The following VAT1L variants were observed in gnomAD, a reference collection of about 807,000 sequenced individuals.
VAT1L encodes the protein vesicle amine transport 1 like.
In VAT1L, 34 loss-of-function variants were observed where a neutral mutation model predicts 44.1. The observed-to-expected ratio is 0.77, with a 90% CI of 0.59 to 1.03. The LOEUF (loss-of-function observed/expected upper bound fraction) is 1.03, where lower values mean the gene tolerates loss of function less well. Ranked by LOEUF, VAT1L falls within the 50% of genes least tolerant of loss-of-function variation. VAT1L has a pLI of 0.00. For missense variants in VAT1L, 615 were observed against 538.8 expected, an observed-to-expected ratio of 1.14 and a Z score of -1.40; for synonymous variants, 253 against 202.2, an observed-to-expected ratio of 1.25 and a Z score of -2.13.
chr16:77,880,103 T>C (rs535296577), intron 6 of VAT1L, among the ~76,000 whole-genome samples: 82 of 152,304 alleles, frequency 5.4e-4, no homozygotes, highest in Non-Finnish European at 1.0e-3. Context: ...TCACTACAAA[T>C]TGACTCTGAT....
rs1026390864 is a variant in VAT1L, at chr16:77,921,875, C to G, written c.1077+37073C>G. Among the ~76,000 whole-genome samples, 11 of 152,042 alleles carry G rather than the reference C, an allele frequency of 7.2e-5. No homozygotes were observed. In the South Asian group the frequency reaches 8.3e-4, roughly 11 times the overall value. On this transcript the variant is annotated intron_variant, in intron 7 of 8. Coordinates refer to ENST00000302536, the MANE Select transcript of VAT1L (RefSeq NM_020927.3). ...CCTCCCACCTCAGCCTCCCGAGTAG[C>G]TGGGACTACAGGTGCATACCACTAC...
At chr16:77,934,268 G>T (rs375945979) in intron 7 of VAT1L, among the ~76,000 whole-genome samples, 1 of 152,094 alleles carries the variant, frequency 6.6e-6, no homozygotes, top group East Asian at 1.9e-4. Context: ...TTGGCCTGAA[G>T]AGCTGTGGTT....
At chr16:77,822,276 A>G (rs780121878) in intron 2 of VAT1L, among the ~76,000 whole-genome samples, 2 of 152,128 alleles carry the variant, frequency 1.3e-5, no homozygotes, top group Non-Finnish European at 2.9e-5. Context: ...CTGGGATTAC[A>G]GATATGGGCC....
At chr16:77,851,912 G>C (rs2016812320) in intron 3 of VAT1L, among the ~76,000 whole-genome samples, 1 of 152,136 alleles carries the variant, frequency 6.6e-6, no homozygotes, top group Non-Finnish European at 1.5e-5. Context: ...CGGAGATTCT[G>C]CTCCTGTCCT....
intron 7 of VAT1L, among the ~76,000 whole-genome samples, chr16:77,891,390 C>T (rs1243038708): frequency 6.6e-6 from 1 of 152,144 alleles, no homozygotes; most frequent in Non-Finnish European, 1.5e-5. Flanking sequence ...GTTCCTCATG[C>T]CACCTATGCA....
intron 7 of VAT1L, among the ~76,000 whole-genome samples, chr16:77,963,814 TC>T (rs959403087): frequency 2.8e-4 from 42 of 152,242 alleles, no homozygotes; most frequent in African/African-American, 8.7e-4. Context: ...AAAGTGATTT[TC>T]ACTTCTCTGT....
At chr16:77,852,975 C>G (rs1222437247) in intron 3 of VAT1L, among the ~76,000 whole-genome samples, 1 of 152,182 alleles carries the variant, frequency 6.6e-6, no homozygotes, top group Non-Finnish European at 1.5e-5. Flanking sequence ...TTGAGCCCTG[C>G]CAGGTACACA....
chr16:77,955,156 T>C (rs1267399550), intron 7 of VAT1L, among the ~76,000 whole-genome samples: 1 of 152,216 alleles, frequency 6.6e-6, no homozygotes, highest in Non-Finnish European at 1.5e-5. Context: ...GGCAGGTGCA[T>C]GCTCTTCAAG....
At chr16:77,899,571 C>T (rs972827556) in intron 7 of VAT1L, among the ~76,000 whole-genome samples, 3 of 152,230 alleles carry the variant, frequency 2.0e-5, no homozygotes, top group Non-Finnish European at 4.4e-5. Flanking sequence ...CTTGAGCTTG[C>T]TTCTTCCTTT....
At chr16:77,826,266 G>C (rs1049216282) in intron 3 of VAT1L, among the ~76,000 whole-genome samples, 1 of 151,774 alleles carries the variant, frequency 6.6e-6, no homozygotes, top group Non-Finnish European at 1.5e-5. Context: ...ATGATGAAAA[G>C]TTGTGTCAAT....
chr16:77,912,221 C>G (rs2017506316), intron 7 of VAT1L, among the ~76,000 whole-genome samples: 1 of 152,182 alleles, frequency 6.6e-6, no homozygotes, highest in Admixed American at 6.5e-5. Context: ...TTTTCAACAT[C>G]AGTTGCCTTA....
intron 2 of VAT1L, among the ~76,000 whole-genome samples, chr16:77,824,027 A>G (rs968074097): frequency 1.3e-5 from 2 of 152,130 alleles, no homozygotes; most frequent in Non-Finnish European, 2.9e-5. Flanking sequence ...CCATCTCAGA[A>G]AAAAAAAGAA....
intron 1 of VAT1L, among the ~76,000 whole-genome samples, chr16:77,815,471 T>C (rs1489828679): frequency 6.6e-6 from 1 of 152,146 alleles, no homozygotes; most frequent in South Asian, 2.1e-4. Context: ...GGGTTCAGTA[T>C]GTGAAACTTC....
intron 8 of VAT1L, among the ~76,000 whole-genome samples, chr16:77,975,160 C>G (rs903872601): frequency 1.5e-5 from 2 of 136,472 alleles, no homozygotes; most frequent in African/African-American, 5.4e-5. Context: ...GACAGAGGCG[C>G]CTGCAGAGGT....
At chr16:77,855,198 G>A (rs60593765) in intron 3 of VAT1L, among the ~76,000 whole-genome samples, 3,198 of 152,112 alleles carry the variant, frequency 0.021, 118 homozygotes, top group African/African-American at 0.073. Context: ...AAATTAGCTG[G>A]GCATGGTGCC....
chr16:77,817,054 A>G lies in VAT1L; in HGVS notation c.363+4A>G, dbSNP rs2016368436. On this transcript the variant is annotated splice_donor_region_variant and intron_variant, in intron 2 of 8. Transcript: ENST00000302536. ...GGACAGCGTGAAAGGATATGAGGTA[A>G]TGTTTGGCTCTCAATTGAAGAGTAA... 1 of 1,611,614 alleles carries G rather than the reference A, an allele frequency of 6.2e-7. No individual in the cohort carries two copies. The highest frequency in any genetic ancestry group is 1.1e-5 in the South Asian group (1 of 90,314).
At chr16:77,964,214 A>T (rs1258755249) in intron 7 of VAT1L, among the ~76,000 whole-genome samples, 2 of 152,026 alleles carry the variant, frequency 1.3e-5, no homozygotes, top group African/African-American at 2.4e-5. Flanking sequence ...TCACCTCCTT[A>T]AACCCACCTA....
chr16:77,975,540 C>G (rs924488807), intron 8 of VAT1L, among the ~76,000 whole-genome samples: 1 of 152,108 alleles, frequency 6.6e-6, no homozygotes, highest in East Asian at 1.9e-4. Context: ...CACTCAGCCC[C>G]GAATCTGCCC....
At chr16:77,826,192 G>C (rs2016520279) in intron 3 of VAT1L, among the ~76,000 whole-genome samples, 1 of 133,426 alleles carries the variant, frequency 7.5e-6, no homozygotes, top group African/African-American at 2.8e-5. Context: ...GGGCGACAGA[G>C]CGAGACTCCG....
Sources: gnomAD v4.1 joint callset for allele counts (sites outside exome capture counted in the v4.1 genomes callset) on GRCh38, gnomAD v4.1.1 for gene constraint, MANE v1.5 for transcripts, NCBI Gene and HGNC (gene_info 2026-07-23, HGNC 2026-07-21) for gene names.